Variants in HERPUD2 observed in about 807,000 individuals in gnomAD.
HERPUD2 encodes the protein homocysteine-responsive endoplasmic reticulum-resident ubiquitin-like domain member 2 protein.
Under a neutral mutation model 49.9 loss-of-function variants are expected in HERPUD2, and 13 were observed. The observed-to-expected ratio is 0.26, with a 90% confidence interval of 0.17 to 0.41. The LOEUF (loss-of-function observed/expected upper bound fraction) is 0.41. Among genes scored for constraint, HERPUD2 ranks in the 10% least tolerant of loss-of-function variants. The pLI, the probability that HERPUD2 is intolerant of heterozygous loss-of-function variation, is 1.00. For synonymous variants in HERPUD2, 172 were observed against 171.4 expected, an observed-to-expected ratio of 1.00 and a Z score of -0.03; for missense variants, 449 against 492.2, an observed-to-expected ratio of 0.91 and a Z score of 0.83.
At chr7:35,663,961 A>G (rs1785485694) in intron 5 of HERPUD2, among the ~76,000 whole-genome samples, 1 of 152,154 alleles carries the variant, frequency 6.6e-6, no homozygotes, top group African/African-American at 2.4e-5. Context: ...TATTTTGCTC[A>G]TTAGTTGATG....
intron 5 of HERPUD2, among the ~76,000 whole-genome samples, chr7:35,662,302 C>A (rs997097624): frequency 6.6e-6 from 1 of 152,110 alleles, no homozygotes; most frequent in African/African-American, 2.4e-5. Flanking sequence ...ATTTTTACAT[C>A]GATGTTCATC....
chr7:35,690,831 A>T (rs1399191310), intron 2 of HERPUD2, among the ~76,000 whole-genome samples: 4 of 152,162 alleles, frequency 2.6e-5, no homozygotes, highest in Non-Finnish European at 4.4e-5. Context: ...AGAACGGTAT[A>T]AAAAAGGAAG....
Position 35,666,434 on chromosome 7 carries a change from C to A in HERPUD2, c.494+1000G>T, listed in dbSNP as rs79906542. ...TGAGTGTTTATGCCGTCCTGTTGAGCACAGCAGTCAATAGCTACTCCTTGG... is the reference window on the plus strand; with the variant it reads ...TGAGTGTTTATGCCGTCCTGTTGAGAACAGCAGTCAATAGCTACTCCTTGG... On this transcript the variant is annotated intron_variant, in intron 5 of 8. Coordinates refer to ENST00000311350, the MANE Select transcript of HERPUD2 (RefSeq NM_022373.5). Among the ~76,000 whole-genome samples, 355 of 152,310 alleles carry A rather than the reference C, an allele frequency of 2.3e-3. 2 individuals carry two copies. The highest frequency in any genetic ancestry group is 7.8e-3 in the African/African-American group (325 of 41,562).
At chr7:35,661,782 G>A (rs1450056547) in intron 5 of HERPUD2, among the ~76,000 whole-genome samples, 2 of 152,168 alleles carry the variant, frequency 1.3e-5, no homozygotes, top group African/African-American at 2.4e-5. Context: ...GGGCTGAGAT[G>A]ATAGGGTTTT....
At chr7:35,643,514 TG>T (rs1311074937) in intron 5 of HERPUD2, among the ~76,000 whole-genome samples, 1 of 152,140 alleles carries the variant, frequency 6.6e-6, no homozygotes, top group African/African-American at 2.4e-5. Context: ...GATATTTACA[TG>T]AAATTTTGTT....
Position 35,663,175 on chromosome 7 carries a change from C to T in HERPUD2, c.494+4259G>A, listed in dbSNP as rs535184345. On this transcript the variant is annotated intron_variant, in intron 5 of 8. Transcript: ENST00000311350. ...GTTGTTCAGTTTCCATGTAGTTGAGCGGTTTTGACTGAGTTTCTTAATTCT... is the reference window on the plus strand; with the variant it reads ...GTTGTTCAGTTTCCATGTAGTTGAGTGGTTTTGACTGAGTTTCTTAATTCT... 1.6e-4 allele frequency among the ~76,000 whole-genome samples: 24 copies of T among 152,268 alleles called. No homozygotes were observed. The South Asian group carries it at 4.4e-3, about 28-fold the overall frequency.
intron 2 of HERPUD2, among the ~76,000 whole-genome samples, chr7:35,681,752 T>C (rs1785896449): frequency 6.6e-6 from 1 of 152,114 alleles, no homozygotes. Flanking sequence ...ATATGATTCT[T>C]TTTATATGAA....
chr7:35,675,128 C>T (rs958550060), intron 2 of HERPUD2, among the ~76,000 whole-genome samples: 7 of 152,106 alleles, frequency 4.6e-5, no homozygotes, highest in African/African-American at 1.7e-4. Flanking sequence ...TGGAATCTAT[C>T]CCCAGGTAGA....
intron 5 of HERPUD2, among the ~76,000 whole-genome samples, chr7:35,661,190 G>C (rs898875766): frequency 4.6e-5 from 7 of 151,208 alleles, no homozygotes; most frequent in Admixed American, 1.3e-4. Flanking sequence ...GATGGCTGTA[G>C]ATGTGTGGTA....
chr7:35,682,343 GTGTGTGTGTGTGTGTATA>G (rs1257554676), intron 2 of HERPUD2, among the ~76,000 whole-genome samples: 5,466 of 37,746 alleles, frequency 0.14, 1,123 homozygotes, highest in Non-Finnish European at 0.2. Flanking sequence ...GTGTGTGTGT[GTGTGTGTGTGTGTGTATA>G]TATATATATA....
intron 5 of HERPUD2, among the ~76,000 whole-genome samples, chr7:35,643,130 G>C (rs1484628275): frequency 6.6e-6 from 1 of 152,132 alleles, no homozygotes; most frequent in Non-Finnish European, 1.5e-5. Context: ...GAGAGAAACT[G>C]GAGACAGGGA....
At chr7:35,686,361 A>G (rs187250994) in intron 2 of HERPUD2, among the ~76,000 whole-genome samples, 11,162 of 147,564 alleles carry the variant, frequency 0.076, 601 homozygotes, top group South Asian at 0.21. Flanking sequence ...CTAATTTTTT[A>G]TATTTTTAGT....
intron 5 of HERPUD2, among the ~76,000 whole-genome samples, chr7:35,647,886 C>T (rs911647852): frequency 6.6e-6 from 1 of 152,120 alleles, no homozygotes; most frequent in African/African-American, 2.4e-5. Context: ...AATACAATGC[C>T]TAACTTCTGC....
At chr7:35,677,379 C>T (rs370335116) in intron 2 of HERPUD2, among the ~76,000 whole-genome samples, 5 of 152,128 alleles carry the variant, frequency 3.3e-5, no homozygotes, top group Admixed American at 1.3e-4. Flanking sequence ...GATATTTGAG[C>T]GTTTCTAGGC....
chr7:35,664,455 A>G (rs1328799285), intron 5 of HERPUD2, among the ~76,000 whole-genome samples: 1 of 152,198 alleles, frequency 6.6e-6, no homozygotes, highest in Non-Finnish European at 1.5e-5. Context: ...AGGTTGGGGA[A>G]GTTCTCCTGG....
intron 2 of HERPUD2, among the ~76,000 whole-genome samples, 186 bp from the exon 3 acceptor site, chr7:35,673,464 C>T (rs1431441619): frequency 6.6e-6 from 1 of 152,048 alleles, no homozygotes; most frequent in African/African-American, 2.4e-5. Context: ...AAGAGTTCAG[C>T]AAATGGTAGT....
At chr7:35,688,771 C>T (rs540649350) in intron 2 of HERPUD2, among the ~76,000 whole-genome samples, 1 of 152,044 alleles carries the variant, frequency 6.6e-6, no homozygotes, top group African/African-American at 2.4e-5. Context: ...TCCCTAAATG[C>T]CTTTCTTCAT....
In HERPUD2 at chr7:35,633,148, C is replaced by T. The variant is rs1784806321; in HGVS notation, c.*542G>A. ...GTGGCCCAATCTCAGCTCACTGCAA[C>T]CTCCGCCTCCTGGGTTCAGGCAATT... is the stretch of plus-strand genomic sequence containing the variant. On this transcript the variant is annotated 3_prime_UTR_variant, in exon 9 of 9. Coordinates refer to ENST00000311350, the MANE Select transcript of HERPUD2 (RefSeq NM_022373.5). The T allele has an allele frequency of 6.6e-6, 1 of 151,504 alleles. No individual in the cohort carries two copies. Among genetic ancestry groups the T allele is most frequent in the African/African-American group, 2.4e-5 (1 of 41,186 alleles). The allele number at this position is 151,504 out of a possible 1,614,324, so 9.4% of individuals were successfully genotyped here. A position where few individuals can be genotyped will look rare whatever the true frequency, so the allele number is the denominator to read the frequency against.
intron 2 of HERPUD2, among the ~76,000 whole-genome samples, chr7:35,682,906 T>A (rs1171268071): frequency 1.3e-5 from 2 of 148,376 alleles, no homozygotes; most frequent in African/African-American, 5.0e-5. Context: ...AAAACACTGG[T>A]GAAAGAAATC....
Sources: gnomAD v4.1 joint callset for allele counts (sites outside exome capture counted in the v4.1 genomes callset) on GRCh38, gnomAD v4.1.1 for gene constraint, MANE v1.5 for transcripts, NCBI Gene and HGNC (gene_info 2026-07-23, HGNC 2026-07-21) for gene names.